The following ARHGEF1 variants were observed in gnomAD, a reference collection of about 807,000 sequenced individuals.
ARHGEF1 encodes Rho guanine nucleotide exchange factor 1.
Under a neutral mutation model 119.7 loss-of-function variants are expected in ARHGEF1, and 40 were observed. That is an observed-to-expected ratio of 0.33 (90% confidence interval 0.26 to 0.44). The LOEUF is 0.44. Among genes scored for constraint, ARHGEF1 ranks in the 20% least tolerant of loss-of-function variants. ARHGEF1 has a pLI of 1.00. For missense variants in ARHGEF1, 976 were observed against 1,268.3 expected (o/e 0.77, Z 3.50); for synonymous variants, 494 against 521.0 (o/e 0.95, Z 0.71).
chr19:41,928,739 G>A, intron 1 of ARHGEF1: 2 of 351,572 alleles, frequency 5.7e-6, no homozygotes, highest in Middle Eastern at 1.1e-3. Context: ...TCCCGGGACT[G>A]AGGGAGTGGG....
intron 1 of ARHGEF1, among the ~76,000 whole-genome samples, chr19:41,926,236 G>A (rs2074869836): frequency 6.6e-6 from 1 of 151,654 alleles, no homozygotes; most frequent in Non-Finnish European, 1.5e-5. Context: ...CGAGAGACCA[G>A]ACATCTTAAG....
In ARHGEF1 at chr19:41,907,171, C is replaced by T. The variant is rs782478584; in HGVS notation, c.*84C>T. On this transcript the variant is annotated 3_prime_UTR_variant, in exon 29 of 29. Transcript: ENST00000354532. ...GGACCACCCCCACCCACACAGCTGC[C>T]GCAGCATCTCACACCCCGAGGGCCT... The T allele has an allele frequency of 1.9e-5, 29 of 1,529,604 alleles. No individual in the cohort carries two copies. Among genetic ancestry groups the T allele is most frequent in the Admixed American group, 4.0e-5 (2 of 49,670 alleles). The allele number at this position is 1,529,604 out of a possible 1,614,324, so 94.8% of individuals were successfully genotyped here.
intron 1 of ARHGEF1, chr19:41,884,444 G>A (rs782310709): frequency 1.1e-5 from 17 of 1,605,388 alleles, no homozygotes; most frequent in Middle Eastern, 1.7e-4. Context: ...CCCGAGCGCG[G>A]AGGCTTCGGT....
rs369826806 is a variant in ARHGEF1 at position 41,892,605 on chromosome 19, C to T, written c.370C>T (p.Arg124Cys). ...VPPNVAFELD[R>C]TRADLISEDV... ...AGCCCCCATGTGTGTCCCTGCAGAC[C>T]GCACTAGGGCTGACCTCATCTCCGA... The change falls in exon 7 of 29, where the codon CGC (arginine) becomes TGC (cysteine). Residue 124 changes from arginine (R) to cysteine (C), a missense_variant and splice_region_variant. Around this residue, in one of 3 missense-constraint regions of ARHGEF1, gnomAD observed 519 missense variants for 580.9 expected, o/e 0.89. Transcript: ENST00000354532. This position sits in a 1 kb window ranked among gnomAD's most constrained non-coding sequence, Gnocchi z 6.3. The T allele has an allele frequency of 2.1e-5, 34 of 1,583,094 alleles. No homozygotes were observed. Among genetic ancestry groups the T allele is most frequent in the South Asian group, 3.4e-5 (3 of 87,576 alleles).
chr19:41,920,275 A>C (rs1461321303), upstream of ARHGEF1, among the ~76,000 whole-genome samples: 1 of 135,292 alleles, frequency 7.4e-6, no homozygotes, highest in African/African-American at 2.7e-5. Flanking sequence ...ATGCTCACAG[A>C]CATGATAACG....
chr19:41,910,789 GACAC>G (rs1293916556), downstream of ARHGEF1, among the ~76,000 whole-genome samples: 1 of 152,132 alleles, frequency 6.6e-6, no homozygotes, highest in South Asian at 2.1e-4. The surrounding 1 kb of genome is among the most constrained non-coding windows in gnomAD (Gnocchi z 4.4). Context: ...ACTTGCCTGA[GACAC>G]ACAGCCACAC....
rs782686871 is a variant in ARHGEF1 at position 41,889,667 on chromosome 19, G to A, written c.225+802G>A. ...ATAGTGGACCCCTCCAGAAAACAAG[G>A]AAACCGATAGAGTGGGGAGAAGTGC... On this transcript the variant is annotated intron_variant, in intron 4 of 28. Coordinates refer to ENST00000354532, the MANE Select transcript of ARHGEF1 (RefSeq NM_004706.4). The surrounding 1 kb of genome is among the most constrained non-coding windows in gnomAD (Gnocchi z 4.0). 1.3e-5 allele frequency: 2 copies of A among 152,290 alleles called. No homozygotes were observed. Among genetic ancestry groups the A allele is most frequent in the Non-Finnish European group, 2.9e-5 (2 of 68,092 alleles). The allele number at this position is 152,290 out of a possible 1,614,324, so 9.4% of individuals were successfully genotyped here.
At chr19:41,893,379 T>G in intron 8 of ARHGEF1, 76 bp downstream of exon 8, 2 of 1,161,750 alleles carry the variant, frequency 1.7e-6, no homozygotes, top group Non-Finnish European at 2.3e-6. Flanking sequence ...CTCCTGGGTC[T>G]GAGGGAGGAG....
In ARHGEF1 at chr19:41,896,462, CGAG is replaced by C; in HGVS notation, c.1103_1105del (p.Glu368del). ...CCTTGGCGCCCCCAGAGAGTACCGA[CGAG>C]GGGGCCGAAACCGAGAGGTGCCCAG... is the stretch of plus-strand genomic sequence containing the variant. On this transcript the variant is annotated inframe_deletion, in exon 13 of 29. Coordinates refer to ENST00000354532, the MANE Select transcript of ARHGEF1 (RefSeq NM_004706.4). The C allele has an allele frequency of 2.0e-6, 3 of 1,486,318 alleles. No homozygotes were observed. The highest frequency in any genetic ancestry group is 2.7e-6 in the Non-Finnish European group (3 of 1,117,574). The allele number at this position is 1,486,318 out of a possible 1,614,324, so 92.1% of individuals were successfully genotyped here.
In ARHGEF1 at chr19:41,892,195, G is replaced by A. The variant is rs8113686; in HGVS notation, c.324+72G>A. ...CTGCAGAGTCACCATGCGGTCCCCAGCCTCTGCCCTGAGGGCAGCTGCTGA... is the reference window on the plus strand; with the variant it reads ...CTGCAGAGTCACCATGCGGTCCCCAACCTCTGCCCTGAGGGCAGCTGCTGA... On this transcript the variant is annotated intron_variant, in intron 5 of 28. Coordinates refer to ENST00000354532, the MANE Select transcript of ARHGEF1 (RefSeq NM_004706.4). The surrounding 1 kb of genome is among the most constrained non-coding windows in gnomAD (Gnocchi z 6.3). The A allele has an allele frequency of 0.056, 87,971 of 1,565,366 alleles. 20,888 individuals carry two copies. The African/African-American group carries it at 0.7, about 13-fold the overall frequency.
intron 1 of ARHGEF1, among the ~76,000 whole-genome samples, chr19:41,925,024 A>T (rs541774009): frequency 6.6e-6 from 1 of 151,800 alleles, no homozygotes; most frequent in South Asian, 2.1e-4. Context: ...GTTTGGGGGG[A>T]GGAAAAGGAG....
rs2074615516 is a variant in ARHGEF1 at position 41,902,214 on chromosome 19, A to G, written c.1415-60A>G. ...AGCCCTACCCCCACCACACCGCAGCAGGCCCCGCACAGCATCTTCCAGACC... is the reference window on the plus strand; with the variant it reads ...AGCCCTACCCCCACCACACCGCAGCGGGCCCCGCACAGCATCTTCCAGACC... On this transcript the variant is annotated intron_variant, in intron 15 of 28. Coordinates refer to ENST00000354532, the MANE Select transcript of ARHGEF1 (RefSeq NM_004706.4). The surrounding 1 kb of genome is among the most constrained non-coding windows in gnomAD (Gnocchi z 6.5). The G allele has an allele frequency of 1.9e-6, 3 of 1,601,234 alleles. No homozygotes were observed. The highest frequency in any genetic ancestry group is 1.3e-5 in the African/African-American group (1 of 74,690).
upstream of ARHGEF1, among the ~76,000 whole-genome samples, chr19:41,921,486 A>G (rs1555852480): frequency 6.6e-6 from 1 of 151,994 alleles, no homozygotes; most frequent in African/African-American, 2.4e-5. The surrounding 1 kb of genome is among the most constrained non-coding windows in gnomAD (Gnocchi z 4.4). Flanking sequence ...GCACACGCAG[A>G]GAGAAGAGAG....
chr19:41,899,458 T>G (rs7253691), intron 14 of ARHGEF1, among the ~76,000 whole-genome samples: 33,629 of 151,156 alleles, frequency 0.22, 10,803 homozygotes, highest in African/African-American at 0.71. Flanking sequence ...CTTTTTTCCT[T>G]TGCTAATTGT....
In ARHGEF1 at chr19:41,905,217, C is replaced by G. The variant is rs782731918; in HGVS notation, c.2292C>G (p.Val764=). The G allele has an allele frequency of 1.5e-5, 25 of 1,613,938 alleles. No homozygotes were observed. The highest frequency in any genetic ancestry group is 5.0e-5 in the Admixed American group (3 of 59,994). Residue 764 remains valine, a synonymous_variant, in exon 24 of 29, where the codon GTC becomes GTG. Transcript: ENST00000354532. The surrounding 1 kb of genome is among the most constrained non-coding windows in gnomAD (Gnocchi z 6.4). ...CTGAGACTGCCGGATCCCTGAAAGT[C>G]CCTGCCCCTGCCTCTCGCCCTAAGC... The part of the protein sequence containing the change: ...LITETAGSLK[V]PAPASRPKPR...
At chr19:41,913,784 C>T (rs1555851501) in intron 18 of ARHGEF1, among the ~76,000 whole-genome samples, 1 of 150,570 alleles carries the variant, frequency 6.6e-6, no homozygotes. Context: ...CTTTCCCCCT[C>T]TTATGGCGCC....
Position 41,905,134 on chromosome 19 carries a change from T to G in ARHGEF1, c.2250-41T>G. On this transcript the variant is annotated intron_variant, in intron 23 of 28. Coordinates refer to ENST00000354532, the MANE Select transcript of ARHGEF1 (RefSeq NM_004706.4). This position sits in a 1 kb window ranked among gnomAD's most constrained non-coding sequence, Gnocchi z 6.4. ...TGTGGGGAGGCCCTGGCATAGGGTC[T>G]GGGGGCTCTGACTGCCCAGGGATTT... The G allele has an allele frequency of 6.2e-7, 1 of 1,612,362 alleles. No homozygotes were observed.
downstream of ARHGEF1, among the ~76,000 whole-genome samples, chr19:41,912,038 G>A (rs150262156): frequency 3.8e-4 from 57 of 151,998 alleles, no homozygotes; most frequent in Non-Finnish European, 5.6e-4. Context: ...GAGACAGACC[G>A]CAAGAAACAG....
intron 1 of ARHGEF1, among the ~76,000 whole-genome samples, chr19:41,925,735 C>T (rs1555853198): frequency 6.6e-6 from 1 of 152,004 alleles, no homozygotes; most frequent in East Asian, 1.9e-4. Context: ...CCTTGGAAGT[C>T]AGTGTACCTT....
Sources: allele counts gnomAD v4.1 joint callset (sites outside exome capture counted in the v4.1 genomes callset), GRCh38; gene constraint gnomAD v4.1.1; regional missense constraint gnomAD v4.1.1; non-coding constraint Gnocchi (gnomAD v3.1); transcripts MANE v1.5; gene names NCBI Gene and HGNC (gene_info 2026-07-23, HGNC 2026-07-21).